Variants in ADCY3 observed in about 807,000 individuals in gnomAD.
ADCY3 encodes adenylate cyclase type 3.
In ADCY3, 70 loss-of-function variants were observed where a neutral mutation model predicts 119.4. The observed-to-expected ratio is 0.59, with a 90% CI of 0.48 to 0.72. ADCY3 has a LOEUF of 0.72. ADCY3 is among the 30% of genes least tolerant of loss of function. The pLI is 0.00. For missense variants in ADCY3, 1,238 were observed against 1,541.6 expected (o/e 0.80, Z 3.30); for synonymous variants, 672 against 621.4 (o/e 1.08, Z -1.21).
chr2:24,867,780 A>C (rs943467831), intron 3 of ADCY3, among the ~76,000 whole-genome samples: 7 of 152,196 alleles, frequency 4.6e-5, no homozygotes, highest in African/African-American at 1.7e-4. Flanking sequence ...ACTGTGGGTA[A>C]ATATAAGTAA....
In ADCY3 at chr2:24,842,340, C is replaced by T; in HGVS notation, c.870G>A (p.Glu290=). The T allele has an allele frequency of 3.7e-6, 6 of 1,614,198 alleles. No homozygotes were observed. Among genetic ancestry groups the T allele is most frequent in the Non-Finnish European group, 5.1e-6 (6 of 1,180,050 alleles). The part of the protein sequence containing the change: ...LSILPKHVAD[E]MLKDMKKDES... Reference sequence around the variant, plus strand: ...CGTCTTTCTTCATGTCTTTCAGCATCTCGTCAGCCACGTGCTTGGGCAGGA... The same window carrying T: ...CGTCTTTCTTCATGTCTTTCAGCATTTCGTCAGCCACGTGCTTGGGCAGGA... Residue 290 remains glutamate, a synonymous_variant, in exon 4 of 22, where the codon GAG becomes GAA. Coordinates refer to ENST00000679454, the MANE Select transcript of ADCY3 (RefSeq NM_004036.5). The surrounding 1 kb of genome is among the most constrained non-coding windows in gnomAD (Gnocchi z 4.9).
chr2:24,869,684 G>A (rs562037202), intron 3 of ADCY3, among the ~76,000 whole-genome samples: 1 of 152,122 alleles, frequency 6.6e-6, no homozygotes, highest in Non-Finnish European at 1.5e-5. Flanking sequence ...GATATTACAG[G>A]CATAGCCACC....
chr2:24,882,566 T>C (rs1676523600), intron 2 of ADCY3, among the ~76,000 whole-genome samples: 3 of 152,242 alleles, frequency 2.0e-5, no homozygotes, highest in Admixed American at 6.5e-5. Context: ...TTTAGTCACC[T>C]TGGTCTCTTT....
In ADCY3 at chr2:24,872,684, G is replaced by A. The variant is rs527576567; in HGVS notation, c.711C>T (p.Ile237=). 52 of 1,614,224 alleles carry A rather than the reference G, an allele frequency of 3.2e-5. No individual in the cohort carries two copies. In the South Asian group the frequency reaches 3.3e-4, roughly 10 times the overall value. Residue 237 remains isoleucine (I), a synonymous_variant, in exon 3 of 22, where the codon ATC becomes ATT. Coordinates refer to ENST00000679454, the MANE Select transcript of ADCY3 (RefSeq NM_004036.5). This position sits in a 1 kb window ranked among gnomAD's most constrained non-coding sequence, Gnocchi z 4.4. ...LANVFLYLCA[I]AVGIMSYYMA... ...TGTAGTAGGACATGATGCCCACAGCGATGGCGCACAGGTAGAGGAAGACGT... is the reference window on the plus strand; with the variant it reads ...TGTAGTAGGACATGATGCCCACAGCAATGGCGCACAGGTAGAGGAAGACGT...
At chr2:24,909,643 T>C (rs1178443929) in intron 2 of ADCY3, among the ~76,000 whole-genome samples, 5 of 152,214 alleles carry the variant, frequency 3.3e-5, no homozygotes. Context: ...AATACCTTAA[T>C]GGAGTTAAAA....
rs778356540 is a variant in ADCY3, at chr2:24,836,967, C to T, written c.1612G>A (p.Ala538Thr). ...TCCGACGTGGACCCACTGCTGTGGG[C>T]ACTCCCGTTGGGCTCCTTGGTCTCA... Reference protein sequence around the residue: ...LIETKEPNGSAHSSGSTSEKP... With the variant: ...LIETKEPNGSTHSSGSTSEKP... Residue 538 changes from alanine to threonine, a missense_variant, in exon 9 of 22, where the codon GCC becomes ACC. Ala to Thr is a moderately conservative substitution (Grantham distance 58, BLOSUM62 0). Around this residue, in one of 7 missense-constraint regions of ADCY3, gnomAD observed 499 missense variants for 571.0 expected, o/e 0.87. Transcript: ENST00000679454. 1 of 1,613,998 alleles carries T rather than the reference C, an allele frequency of 6.2e-7. No individual in the cohort carries two copies. Among genetic ancestry groups the T allele is most frequent in the Non-Finnish European group, 8.5e-7 (1 of 1,180,036 alleles).
At chr2:24,861,612 G>A (rs1466505880) in intron 3 of ADCY3, among the ~76,000 whole-genome samples, 1 of 152,124 alleles carries the variant, frequency 6.6e-6, no homozygotes, top group Non-Finnish European at 1.5e-5. Context: ...AAGTGAAACG[G>A]GGTCATGCAG....
At position 24,857,991 on chromosome 2, in the gene ADCY3, A is replaced by ATTTTTT. The variant is rs56672595; in HGVS notation, c.825+14573_825+14578dup. 3.3e-4 allele frequency among the ~76,000 whole-genome samples: 41 copies of ATTTTTT among 122,390 alleles called. 1 individual carries two copies. The highest frequency in any genetic ancestry group is 9.2e-4 in the African/African-American group (27 of 29,452). 80.3% of individuals were successfully genotyped at this position (122,390 alleles called of 152,430 possible). The stretch of plus-strand genomic sequence containing the variant: ...AAGTCCTGAAATACTTGTGGTCTGA[A>ATTTTTT]TTTTTTTTTTTTTTTTTTTTTTTTA... On this transcript the variant is annotated intron_variant, in intron 3 of 21. Coordinates refer to ENST00000679454, the MANE Select transcript of ADCY3 (RefSeq NM_004036.5).
At chr2:24,831,032 G>A (rs1263776525) in intron 12 of ADCY3, among the ~76,000 whole-genome samples, 1 of 152,098 alleles carries the variant, frequency 6.6e-6, no homozygotes, top group Non-Finnish European at 1.5e-5. Flanking sequence ...TCCTCGATGT[G>A]CCTGTTCAAC....
chr2:24,911,393 T>G (rs909299270), intron 2 of ADCY3, among the ~76,000 whole-genome samples: 4 of 151,088 alleles, frequency 2.6e-5, no homozygotes, highest in Non-Finnish European at 5.9e-5. Context: ...ATGCCTGTAA[T>G]CCCAGCACTT....
intron 3 of ADCY3, among the ~76,000 whole-genome samples, chr2:24,846,113 G>T (rs1671623500): frequency 6.6e-6 from 1 of 152,272 alleles, no homozygotes; most frequent in Admixed American, 6.5e-5. Flanking sequence ...GAGAACCCCT[G>T]CTAGGGCAGT....
Position 24,838,583 on chromosome 2 carries a change from T to A in ADCY3, c.1395A>T (p.Lys465Asn). The A allele has an allele frequency of 6.2e-7, 1 of 1,614,162 alleles. No individual in the cohort carries two copies. Among genetic ancestry groups the A allele is most frequent in the South Asian group, 1.1e-5 (1 of 91,082 alleles). ...HISQSTMDCLKGEFDVEPGDG... is the reference protein window; with the variant it reads ...HISQSTMDCLNGEFDVEPGDG... ...CGCCTGGCTCCACATCAAACTCCCC[T>A]TTCAGGCAGTCCATGGTGCTCTGGG... The change falls in exon 8 of 22, where the codon AAA becomes AAT. Residue 465 changes from lysine (K) to asparagine (N), a missense_variant. By Grantham distance (94) the Lys-to-Asn change is moderately conservative. Transcript: ENST00000679454.
In ADCY3 at chr2:24,823,338, C is replaced by T. The variant is rs143693626; in HGVS notation, c.2754G>A (p.Thr918=). Residue 918 remains threonine (T), a synonymous_variant, in exon 18 of 22, where the codon ACG becomes ACA. Transcript: ENST00000679454. ...CAAACATGACTCCAATCTCATCATA[C>T]GTCTGGCTATACAGCTCCTAAAAAG... is the stretch of plus-strand genomic sequence containing the variant. ...KKRDEELYSQ[T]YDEIGVMFAS... is the part of the protein sequence containing the mutation. 5,490 of 1,613,406 alleles carry T rather than the reference C, an allele frequency of 3.4e-3. 14 individuals carry two copies. The highest frequency in any genetic ancestry group is 3.6e-3 in the South Asian group (327 of 90,954).
At chr2:24,871,246 C>T (rs1428883395) in intron 3 of ADCY3, among the ~76,000 whole-genome samples, 1 of 151,786 alleles carries the variant, frequency 6.6e-6, no homozygotes, top group Admixed American at 6.6e-5. Flanking sequence ...GAATGCCTTT[C>T]AAGGGGCTTT....
At position 24,830,735 on chromosome 2, in the gene ADCY3, G is replaced by A; in HGVS notation, c.2146C>T (p.Leu716=). 6.2e-7 allele frequency: 1 copy of A among 1,614,040 alleles called. No individual in the cohort carries two copies. ...ATGTCCACGACATTTGCCATCACCA[G>A]GATGAAGATGGCGAGCATGGCCCAG... ...NTWAMLAIFI[L]VMANVVDMLS... Residue 716 remains leucine (L), a synonymous_variant, in exon 13 of 22, where the codon CTG becomes TTG. Transcript: ENST00000679454.
At position 24,820,059 on chromosome 2, in the gene ADCY3, C is replaced by T. The variant is rs779224629; in HGVS notation, c.3308G>A (p.Arg1103Gln). The change falls in exon 22 of 22, where the codon CGA becomes CAA. Residue 1103 changes from arginine to glutamine, a missense_variant. Arg to Gln is a conservative substitution (Grantham distance 43). Coordinates refer to ENST00000679454, the MANE Select transcript of ADCY3 (RefSeq NM_004036.5). ...CTTCCCCTTCACAAAGATGGGGCCT[C>T]GCCTCACAAAGCGGAAGCCGTACTC... The part of the protein sequence containing the change: ...LREYGFRFVR[R>Q]GPIFVKGKGE... The T allele has an allele frequency of 4.4e-6, 7 of 1,595,918 alleles. No individual in the cohort carries two copies. The highest frequency in any genetic ancestry group is 6.0e-6 in the Non-Finnish European group (7 of 1,171,510).
At chr2:24,827,777 G>T in intron 14 of ADCY3, 125 bp downstream of exon 14, 2 of 1,486,084 alleles carry the variant, frequency 1.3e-6, no homozygotes, top group Non-Finnish European at 1.8e-6. Context: ...ACTGGTTCTT[G>T]AACAAGCCTT....
chr2:24,904,776 G>C (rs1009938384), intron 2 of ADCY3, among the ~76,000 whole-genome samples: 3 of 151,646 alleles, frequency 2.0e-5, no homozygotes, highest in African/African-American at 7.3e-5. Flanking sequence ...CTAGTAGCTG[G>C]GATTACAGGC....
Position 24,834,532 on chromosome 2 carries a change from G to A in ADCY3, c.1920C>T (p.Cys640=), listed in dbSNP as rs747233379. 1.4e-5 allele frequency: 22 copies of A among 1,613,640 alleles called. No individual in the cohort carries two copies. The South Asian group carries it at 1.6e-4, about 12-fold the overall frequency. ...KQSGAAFSCS[C]VVLLCTALVE... ...CCAGGGCCGTGCAGAGCAGGACGACGCAGGAGCAGCTGAAGGCAGCCCCAC... is the reference window on the plus strand; with the variant it reads ...CCAGGGCCGTGCAGAGCAGGACGACACAGGAGCAGCTGAAGGCAGCCCCAC... The change falls in exon 11 of 22, where the codon TGC becomes TGT. Residue 640 remains cysteine (C), a synonymous_variant. Transcript: ENST00000679454. This position sits in a 1 kb window ranked among gnomAD's most constrained non-coding sequence, Gnocchi z 4.2.
Sources: allele counts gnomAD v4.1 joint callset (sites outside exome capture counted in the v4.1 genomes callset), GRCh38; gene constraint gnomAD v4.1.1; regional missense constraint gnomAD v4.1.1; non-coding constraint Gnocchi (gnomAD v3.1); transcripts MANE v1.5; gene names NCBI Gene and HGNC (gene_info 2026-07-23, HGNC 2026-07-21).